Variants in COL26A1 observed in about 807,000 individuals in gnomAD.
COL26A1 encodes collagen type XXVI alpha 1 chain.
Under a neutral mutation model 59.3 loss-of-function variants are expected in COL26A1, and 41 were observed. The ratio of observed to expected loss-of-function variants is 0.69; its 90% confidence interval spans 0.54 to 0.90. The LOEUF is 0.90. COL26A1 is among the 40% of genes least tolerant of loss of function. COL26A1 has a pLI of 0.00. For synonymous variants in COL26A1, 266 were observed against 256.0 expected, an observed-to-expected ratio of 1.04 and a Z score of -0.37; for missense variants, 612 against 602.3, an observed-to-expected ratio of 1.02 and a Z score of -0.17.
chr7:101,389,669 C>CCTCA (rs1209678977), intron 1 of COL26A1, among the ~76,000 whole-genome samples: 2 of 152,088 alleles, frequency 1.3e-5, no homozygotes, highest in African/African-American at 4.8e-5. Context: ...AATTCTCGTG[C>CCTCA]CTCAGCCTCT....
chr7:101,410,665 C>T (rs1219744546), intron 1 of COL26A1, among the ~76,000 whole-genome samples: 1 of 150,480 alleles, frequency 6.6e-6, no homozygotes, highest in African/African-American at 2.4e-5. Flanking sequence ...CAGGTGTGCA[C>T]CACCACGCCC....
At chr7:101,386,355 A>G (rs2117041805) in intron 1 of COL26A1, among the ~76,000 whole-genome samples, 1 of 150,454 alleles carries the variant, frequency 6.6e-6, no homozygotes, top group South Asian at 2.1e-4. Context: ...CTGCAGCCTC[A>G]ACCTCCTGGG....
At chr7:101,489,811 T>G (rs551282240) in intron 3 of COL26A1, among the ~76,000 whole-genome samples, 4 of 3,250 alleles carry the variant, frequency 1.2e-3, no homozygotes, top group East Asian at 4.4e-3. Flanking sequence ...TCTTTCTTTC[T>G]TTCTTTCTTT....
chr7:101,548,413 G>A (rs115988488), intron 8 of COL26A1, among the ~76,000 whole-genome samples: 2,580 of 152,254 alleles, frequency 0.017, 70 homozygotes, highest in African/African-American at 0.059. Flanking sequence ...CGGCCCTCTG[G>A]GTACTCCACA....
chr7:101,370,988 G>A (rs1026839237), intron 1 of COL26A1, among the ~76,000 whole-genome samples: 4 of 152,120 alleles, frequency 2.6e-5, no homozygotes, highest in African/African-American at 9.7e-5. Context: ...CCTTGCAGAT[G>A]GAGTCATTTC....
In COL26A1 at chr7:101,509,057, C is replaced by T. The variant is rs145409858; in HGVS notation, c.386-24025C>T. On this transcript the variant is annotated intron_variant, in intron 3 of 12. Coordinates refer to ENST00000313669, the MANE Select transcript of COL26A1 (RefSeq NM_001278563.3). ...CAGCTTCTGGTGAGGCCTCAGGAAG[C>T]GTTTACTAGTGGCAGAAGGTGAAGG... Among the ~76,000 whole-genome samples, 16 of 152,180 alleles carry T rather than the reference C, an allele frequency of 1.1e-4. No homozygotes were observed. The East Asian group carries it at 1.9e-3, about 18-fold the overall frequency.
At chr7:101,434,937 C>G (rs917332611) in intron 2 of COL26A1, among the ~76,000 whole-genome samples, 3 of 152,120 alleles carry the variant, frequency 2.0e-5, no homozygotes, top group African/African-American at 7.2e-5. Context: ...GGAGGGAGAC[C>G]TGGTCCGTGG....
chr7:101,495,372 A>G (rs923143169), intron 3 of COL26A1, among the ~76,000 whole-genome samples: 13 of 151,650 alleles, frequency 8.6e-5, no homozygotes, highest in African/African-American at 2.7e-4. Context: ...GATTTGGTGC[A>G]TGGGCACAGG....
In COL26A1 at chr7:101,420,108, C is replaced by T. The variant is rs779390611; in HGVS notation, c.281+9C>T. 5.0e-5 allele frequency: 80 copies of T among 1,612,070 alleles called. No homozygotes were observed. Among genetic ancestry groups the T allele is most frequent in the Non-Finnish European group, 6.1e-5 (72 of 1,179,860 alleles). On this transcript the variant is annotated intron_variant, in intron 2 of 12. Transcript: ENST00000313669. The stretch of plus-strand genomic sequence containing the variant: ...TGCGCCAACCTCGTAAGGTAAAGGC[C>T]GCTGGGCTAGGCTGCTCTGCCCTTC...
intron 1 of COL26A1, among the ~76,000 whole-genome samples, chr7:101,394,869 C>CTTTTTTTTTT (rs61005447): frequency 2.8e-4 from 27 of 97,034 alleles, no homozygotes; most frequent in Non-Finnish European, 3.5e-4. Flanking sequence ...TTTTTCTTTT[C>CTTTTTTTTTT]TTTTTTTTTT....
chr7:101,423,203 T>C (rs1792565941), intron 2 of COL26A1, among the ~76,000 whole-genome samples: 2 of 151,714 alleles, frequency 1.3e-5, no homozygotes, highest in Non-Finnish European at 2.9e-5. Context: ...GAGGCAGAGG[T>C]TGTAGTGAGC....
intron 3 of COL26A1, among the ~76,000 whole-genome samples, chr7:101,475,858 TTTTCTCTCTCTTTCTTTCTC>T (rs1295381893): frequency 2.2e-5 from 3 of 133,388 alleles, no homozygotes; most frequent in Non-Finnish European, 5.1e-5. Context: ...CTCTCTCTCT[TTTTCTCTCTCTTTCTTTCTC>T]TTTCTCTCTC....
At chr7:101,493,643 C>T (rs767239604) in intron 3 of COL26A1, among the ~76,000 whole-genome samples, 9 of 151,474 alleles carry the variant, frequency 5.9e-5, no homozygotes, top group Non-Finnish European at 1.3e-4. Context: ...CAAATTATGG[C>T]CGGGCGCGGT....
At chr7:101,362,752 G>C (rs1004154556), upstream of COL26A1, 5 of 487,912 alleles carry the variant, frequency 1.0e-5, no homozygotes, top group South Asian at 5.0e-5. Context: ...CCCTAGCTCT[G>C]CCGCCACTGC....
At chr7:101,463,620 TCCC>T (rs1277796624) in intron 3 of COL26A1, among the ~76,000 whole-genome samples, 1 of 77,742 alleles carries the variant, frequency 1.3e-5, no homozygotes, top group Non-Finnish European at 2.2e-5. Flanking sequence ...CCTCCCTCCC[TCCC>T]CCTCTTCCTT....
chr7:101,444,905 A>G (rs1479167750), intron 2 of COL26A1, among the ~76,000 whole-genome samples: 4 of 151,798 alleles, frequency 2.6e-5, no homozygotes, highest in Non-Finnish European at 5.9e-5. Context: ...GTGCAGTGGC[A>G]TGATCTCGGC....
chr7:101,553,041 G>A (rs942162107), intron 10 of COL26A1, among the ~76,000 whole-genome samples: 4 of 152,306 alleles, frequency 2.6e-5, no homozygotes, highest in South Asian at 2.1e-4. Flanking sequence ...TGAACTTGCC[G>A]GCTTCCTAGC....
At chr7:101,434,042 TTCCCTCCCTCCCTCCCTCCCTCCCTCCC>T (rs770646179) in intron 2 of COL26A1, among the ~76,000 whole-genome samples, 1 of 23,404 alleles carries the variant, frequency 4.3e-5, no homozygotes, top group African/African-American at 1.5e-4. Context: ...CTCCCTTCCC[TTCCCTCCCTCCCTCCCTCCCTCCCTCCC>T]TCCCTCCCTC....
intron 1 of COL26A1, among the ~76,000 whole-genome samples, chr7:101,393,672 C>G (rs1004459887): frequency 2.0e-5 from 3 of 152,160 alleles, no homozygotes; most frequent in African/African-American, 7.2e-5. Context: ...GTCTTGAACT[C>G]CTGACCTCAG....
Sources: gnomAD v4.1 joint callset for allele counts (sites outside exome capture counted in the v4.1 genomes callset) on GRCh38, gnomAD v4.1.1 for gene constraint, MANE v1.5 for transcripts, NCBI Gene and HGNC (gene_info 2026-07-23, HGNC 2026-07-21) for gene names.